The following DLG2 variants were observed in gnomAD, a reference collection of about 807,000 sequenced individuals.
DLG2 encodes the protein discs large MAGUK scaffold protein 2, also known as disks large homolog 2.
In DLG2, 45 loss-of-function variants were observed where a neutral mutation model predicts 132.5. The ratio of observed to expected loss-of-function variants is 0.34; its 90% CI spans 0.27 to 0.44. The LOEUF is 0.44. Ranked by LOEUF, DLG2 falls within the 20% of genes least tolerant of loss-of-function variation. DLG2 has a pLI of 1.00. For synonymous variants in DLG2, 424 were observed against 419.6 expected, an observed-to-expected ratio of 1.01 and a Z score of -0.13; for missense variants, 1,045 against 1,196.9, an observed-to-expected ratio of 0.87 and a Z score of 1.87.
intron 6 of DLG2, among the ~76,000 whole-genome samples, chr11:85,073,113 T>A (rs979840215): frequency 1.3e-5 from 2 of 151,916 alleles, no homozygotes; most frequent in Non-Finnish European, 2.9e-5. Context: ...TTCAAAATTT[T>A]AAAAATACAT....
intron 6 of DLG2, among the ~76,000 whole-genome samples, chr11:84,856,174 A>C (rs760288777): frequency 3.3e-5 from 5 of 152,074 alleles, no homozygotes; most frequent in Non-Finnish European, 5.9e-5. Flanking sequence ...GGGCCACACA[A>C]AGTCATTCTA....
chr11:84,838,205 G>C (rs2080082354), intron 6 of DLG2, among the ~76,000 whole-genome samples: 1 of 151,728 alleles, frequency 6.6e-6, no homozygotes, highest in Non-Finnish European at 1.5e-5. Flanking sequence ...AAATTACCAT[G>C]ACATGAACCT....
intron 6 of DLG2, among the ~76,000 whole-genome samples, chr11:84,848,698 T>C (rs781076197): frequency 3.3e-5 from 5 of 152,122 alleles, no homozygotes; most frequent in African/African-American, 7.2e-5. Context: ...GATAAGATCT[T>C]GGACTTTAAA....
chr11:84,744,876 C>A (rs1236201153), intron 6 of DLG2, among the ~76,000 whole-genome samples: 1 of 145,286 alleles, frequency 6.9e-6, no homozygotes, highest in Non-Finnish European at 1.5e-5. Flanking sequence ...CTCTCCAGAT[C>A]CTGAAATTAA....
intron 3 of DLG2, among the ~76,000 whole-genome samples, chr11:85,417,384 G>C (rs1020927809): frequency 1.3e-5 from 2 of 152,108 alleles, no homozygotes; most frequent in African/African-American, 4.8e-5. Context: ...ATGTTCATCA[G>C]GGATACTGAC....
intron 7 of DLG2, among the ~76,000 whole-genome samples, chr11:84,397,978 T>C (rs2098816587): frequency 6.6e-6 from 1 of 152,244 alleles, no homozygotes; most frequent in South Asian, 2.1e-4. Flanking sequence ...AAATCAATTA[T>C]ACATGAACTC....
intron 6 of DLG2, among the ~76,000 whole-genome samples, chr11:84,537,794 T>G (rs1476730527): frequency 1.3e-5 from 2 of 152,214 alleles, no homozygotes; most frequent in African/African-American, 2.4e-5. Flanking sequence ...GCTCAATAAG[T>G]GTTTGTTGAA....
At chr11:85,423,752 C>G (rs1185350311) in intron 3 of DLG2, among the ~76,000 whole-genome samples, 1 of 152,142 alleles carries the variant, frequency 6.6e-6, no homozygotes, top group Non-Finnish European at 1.5e-5. Flanking sequence ...CCCATGTAAT[C>G]CTAAGGGCTG....
At chr11:85,508,804 C>T (rs1041543509) in intron 3 of DLG2, among the ~76,000 whole-genome samples, 4 of 151,746 alleles carry the variant, frequency 2.6e-5, no homozygotes, top group Non-Finnish European at 5.9e-5. Flanking sequence ...GCTATTATTC[C>T]GAGACAGTAA....
At chr11:84,758,423 T>C (rs973940030) in intron 6 of DLG2, among the ~76,000 whole-genome samples, 1 of 152,208 alleles carries the variant, frequency 6.6e-6, no homozygotes, top group Admixed American at 6.5e-5. Flanking sequence ...CCTGGCATCA[T>C]TTAAATGTTA....
At chr11:84,251,746 T>C (rs891367827) in intron 7 of DLG2, among the ~76,000 whole-genome samples, 1 of 147,974 alleles carries the variant, frequency 6.8e-6, no homozygotes, top group East Asian at 2.1e-4. Context: ...GTTCAGGCAA[T>C]TCTCCTGCCT....
chr11:84,618,744 A>G (rs1460508214), intron 6 of DLG2, among the ~76,000 whole-genome samples: 1 of 152,100 alleles, frequency 6.6e-6, no homozygotes, highest in Non-Finnish European at 1.5e-5. Flanking sequence ...TCCAGCAAAA[A>G]TATGAGACCA....
At chr11:85,301,900 C>T (rs1045465783) in intron 3 of DLG2, among the ~76,000 whole-genome samples, 4 of 152,186 alleles carry the variant, frequency 2.6e-5, no homozygotes, top group South Asian at 2.1e-4. Context: ...ATACTTATCC[C>T]TCCCTGTCAT....
At chr11:84,874,702 G>T (rs568103509) in intron 6 of DLG2, among the ~76,000 whole-genome samples, 1 of 152,156 alleles carries the variant, frequency 6.6e-6, no homozygotes, top group South Asian at 2.1e-4. Context: ...CTGATAGAAG[G>T]AAATGGAGAT....
At chr11:83,739,719 T>C (rs1244357152) in intron 18 of DLG2, among the ~76,000 whole-genome samples, 1 of 152,194 alleles carries the variant, frequency 6.6e-6, no homozygotes, top group African/African-American at 2.4e-5. Context: ...AAATCTTACA[T>C]GTTATTTAGA....
chr11:84,177,644 T>C (rs1024993573), intron 8 of DLG2, among the ~76,000 whole-genome samples: 6 of 152,206 alleles, frequency 3.9e-5, no homozygotes, highest in African/African-American at 7.2e-5. Flanking sequence ...CAACTGCTCA[T>C]AATCTAGAGA....
At chr11:85,255,284 G>A (rs2076612171) in intron 4 of DLG2, among the ~76,000 whole-genome samples, 1 of 152,078 alleles carries the variant, frequency 6.6e-6, no homozygotes, top group South Asian at 2.1e-4. Context: ...AATTTTAGCA[G>A]TGTTTTAATT....
At chr11:84,802,153 G>A (rs1223758020) in intron 6 of DLG2, among the ~76,000 whole-genome samples, 1 of 151,550 alleles carries the variant, frequency 6.6e-6, no homozygotes, top group Non-Finnish European at 1.5e-5. Context: ...GCAGCCTGGG[G>A]ATTCTAGGCT....
At chr11:84,018,218 G>A (rs2095277227) in intron 11 of DLG2, among the ~76,000 whole-genome samples, 1 of 151,816 alleles carries the variant, frequency 6.6e-6, no homozygotes, top group Non-Finnish European at 1.5e-5. Flanking sequence ...ACAGGTCACT[G>A]AAGCTCTGTT....
Sources: gnomAD v4.1 joint callset for allele counts (sites outside exome capture counted in the v4.1 genomes callset) on GRCh38, gnomAD v4.1.1 for gene constraint, MANE v1.5 for transcripts, NCBI Gene and HGNC (gene_info 2026-07-23, HGNC 2026-07-21) for gene names.